Variants in CNBD1 observed in about 807,000 individuals in gnomAD.
The protein encoded by CNBD1 is cyclic nucleotide-binding domain-containing protein 1.
CNBD1 carries 71 observed loss-of-function variants against 54.4 expected under a neutral mutation model. The ratio of observed to expected loss-of-function variants is 1.30; its 90% CI spans 1.08 to 1.59. The LOEUF is 1.59. CNBD1 is among the 40% of genes most tolerant of loss of function. The pLI is 0.00. For synonymous variants in CNBD1, 182 were observed against 170.7 expected (o/e 1.07, Z -0.51); for missense variants, 659 against 518.0 (o/e 1.27, Z -2.64).
At position 87,394,085 on chromosome 8, in the gene CNBD1, C is replaced by G. The variant is rs187977466; in HGVS notation, c.214-34461C>G. 3.1e-3 allele frequency among the ~76,000 whole-genome samples: 478 copies of G among 151,914 alleles called. 2 individuals carry two copies. Among genetic ancestry groups the G allele is most frequent in the African/African-American group, 0.011 (451 of 41,502 alleles). On this transcript the variant is annotated intron_variant, in intron 2 of 7. Coordinates refer to the CNBD1 transcript ENST00000521593. ...AAAGGTACATGCTTATTTCTATGGA[C>G]ATGATCACAGGCTATATTTTGCCAT... is the stretch of plus-strand genomic sequence containing the variant.
chr8:86,991,069 T>C (rs1403039265), intron 4 of CNBD1, among the ~76,000 whole-genome samples: 1 of 152,126 alleles, frequency 6.6e-6, no homozygotes, highest in Non-Finnish European at 1.5e-5. Flanking sequence ...GTTCTGATAA[T>C]TTGGGTGGTG....
intron 2 of CNBD1, among the ~76,000 whole-genome samples, chr8:86,893,951 T>A (rs1467978756): frequency 6.6e-6 from 1 of 151,504 alleles, no homozygotes; most frequent in East Asian, 1.9e-4. Flanking sequence ...TAAGTGGAAT[T>A]ACATTCTCAA....
intron 2 of CNBD1, among the ~76,000 whole-genome samples, chr8:87,391,949 T>C (rs1420686344): frequency 6.6e-6 from 1 of 152,028 alleles, no homozygotes; most frequent in Non-Finnish European, 1.5e-5. Flanking sequence ...ACAAAGACTT[T>C]ATACCCAGCA....
intron 3 of CNBD1, among the ~76,000 whole-genome samples, chr8:86,909,401 G>A (rs907409562): frequency 2.0e-5 from 3 of 152,146 alleles, no homozygotes; most frequent in African/African-American, 7.2e-5. Flanking sequence ...AGTCTTGGAA[G>A]TATCGTAAAG....
intron 4 of CNBD1, among the ~76,000 whole-genome samples, chr8:87,188,411 T>C (rs1220881418): frequency 2.6e-5 from 4 of 152,124 alleles, no homozygotes; most frequent in Non-Finnish European, 5.9e-5. Context: ...AAATTAACCA[T>C]TGCACAAAAC....
intron 4 of CNBD1, among the ~76,000 whole-genome samples, chr8:87,045,569 C>A (rs1395381059): frequency 6.6e-6 from 1 of 151,294 alleles, no homozygotes; most frequent in African/African-American, 2.4e-5. Flanking sequence ...ACTAAAAATA[C>A]AAAAAATTAG....
chr8:87,306,341 A>G (rs1311751399), intron 8 of CNBD1, among the ~76,000 whole-genome samples: 1 of 152,180 alleles, frequency 6.6e-6, no homozygotes, highest in Non-Finnish European at 1.5e-5. Context: ...CAGTGTGGAT[A>G]TTCCTTTAAG....
intron 4 of CNBD1, among the ~76,000 whole-genome samples, chr8:86,971,719 G>A (rs1808223060): frequency 6.6e-6 from 1 of 151,816 alleles, no homozygotes; most frequent in Non-Finnish European, 1.5e-5. Flanking sequence ...TTTGTGAATA[G>A]GATTATTTTC....
intron 8 of CNBD1, among the ~76,000 whole-genome samples, chr8:87,290,792 C>T (rs566316041): frequency 2.5e-4 from 38 of 152,258 alleles, no homozygotes; most frequent in Non-Finnish European, 5.1e-4. Context: ...TGCAATCCCA[C>T]TTTCTTCTGG....
At chr8:87,110,928 C>T (rs577020391) in intron 4 of CNBD1, among the ~76,000 whole-genome samples, 1 of 152,266 alleles carries the variant, frequency 6.6e-6, no homozygotes, top group Non-Finnish European at 1.5e-5. Flanking sequence ...AGTAAAGATA[C>T]CACATCTGGT....
rs183991469 is a variant in CNBD1 at position 86,971,686 on chromosome 8, T to C, written c.431+31932T>C. Among the ~76,000 whole-genome samples, 359 of 152,208 alleles carry C rather than the reference T, an allele frequency of 2.4e-3. 2 individuals carry two copies. Among genetic ancestry groups the C allele is most frequent in the African/African-American group, 8.4e-3 (350 of 41,554 alleles). On this transcript the variant is annotated intron_variant, in intron 4 of 10. Transcript: ENST00000518476. ...ATACTTTTTTTGAGGTAATTCCTAG[T>C]TTTTATATCGTTTTGTGAATATTTT... is the stretch of plus-strand genomic sequence containing the variant.
At chr8:87,034,952 T>G (rs1809880331) in intron 4 of CNBD1, among the ~76,000 whole-genome samples, 1 of 152,182 alleles carries the variant, frequency 6.6e-6, no homozygotes, top group Non-Finnish European at 1.5e-5. Flanking sequence ...TAATTTTTTT[T>G]CTGGAATTTA....
At chr8:87,227,457 A>G (rs1416004695) in intron 5 of CNBD1, among the ~76,000 whole-genome samples, 22 of 148,432 alleles carry the variant, frequency 1.5e-4, no homozygotes, top group African/African-American at 5.0e-4. Flanking sequence ...ATCTTTCAGC[A>G]TTTGCTTGTC....
intron 8 of CNBD1, among the ~76,000 whole-genome samples, chr8:87,315,834 A>G (rs2069875974): frequency 6.6e-6 from 1 of 152,034 alleles, no homozygotes; most frequent in African/African-American, 2.4e-5. Flanking sequence ...GTATATTTTA[A>G]AGTAGGTAGC....
intron 4 of CNBD1, among the ~76,000 whole-genome samples, chr8:87,008,517 G>A (rs1704639003): frequency 6.6e-6 from 1 of 152,102 alleles, no homozygotes; most frequent in Non-Finnish European, 1.5e-5. Context: ...GGATAGCCTG[G>A]GGTTTACTTT....
intron 1 of CNBD1, among the ~76,000 whole-genome samples, chr8:86,877,184 A>G (rs185492526): frequency 4.5e-4 from 68 of 152,112 alleles, no homozygotes; most frequent in African/African-American, 1.5e-3. Context: ...TTAATTATCT[A>G]CTTTGTAAGG....
intron 4 of CNBD1, among the ~76,000 whole-genome samples, chr8:87,026,187 T>C (rs1466704560): frequency 6.6e-6 from 1 of 152,200 alleles, no homozygotes; most frequent in Non-Finnish European, 1.5e-5. Context: ...CTACCTATAC[T>C]GTATTAATGG....
chr8:86,981,041 G>T (rs1808474996), intron 4 of CNBD1, among the ~76,000 whole-genome samples: 1 of 152,168 alleles, frequency 6.6e-6, no homozygotes, highest in Admixed American at 6.5e-5. Context: ...TTGGAAAATT[G>T]GGCAAGCTTT....
intron 4 of CNBD1, among the ~76,000 whole-genome samples, chr8:87,054,653 C>T (rs1180648776): frequency 6.6e-6 from 1 of 152,220 alleles, no homozygotes; most frequent in African/African-American, 2.4e-5. Flanking sequence ...CAACAGAAAA[C>T]TCTGGAAGTC....
Sources: allele counts gnomAD v4.1 joint callset (sites outside exome capture counted in the v4.1 genomes callset), GRCh38; gene constraint gnomAD v4.1.1; transcripts MANE v1.5; gene names NCBI Gene and HGNC (gene_info 2026-07-23, HGNC 2026-07-21).